SUMF1: variants seen among roughly 807,000 people sequenced by gnomAD.
The protein encoded by SUMF1 is sulfatase modifying factor 1.
In SUMF1, 48 loss-of-function variants were observed where a neutral mutation model predicts 47.6. That is an observed-to-expected ratio of 1.01 (90% CI 0.80 to 1.28). The LOEUF is 1.28. Among genes scored for constraint, SUMF1 ranks in the 50% most tolerant of loss-of-function variants. The probability of loss-of-function intolerance (pLI) is 0.00; values close to 1 mark genes in which losing one functional copy is unlikely to be tolerated. For missense variants in SUMF1, 571 were observed against 485.4 expected (o/e 1.18, Z -1.66); for synonymous variants, 230 against 192.1 (o/e 1.20, Z -1.63).
chr3:4,133,917 G>T (rs1693853861), intron 8 of SUMF1, among the ~76,000 whole-genome samples: 1 of 152,046 alleles, frequency 6.6e-6, no homozygotes, highest in Non-Finnish European at 1.5e-5. Flanking sequence ...CATTAAAATT[G>T]GGATGGGAAC....
intron 6 of SUMF1, among the ~76,000 whole-genome samples, chr3:4,411,717 A>C (rs1021563311): frequency 6.6e-6 from 1 of 151,934 alleles, no homozygotes; most frequent in African/African-American, 2.4e-5. Context: ...AAAAAAAAAA[A>C]AAAAAACTTT....
At chr3:4,313,122 C>A in intron 8 of SUMF1, 1 of 1,614,040 alleles carries the variant, frequency 6.2e-7, no homozygotes, top group Non-Finnish European at 8.5e-7. Context: ...GCAGTGACCA[C>A]TGCAGAAACA....
intron 8 of SUMF1, among the ~76,000 whole-genome samples, chr3:4,167,689 G>T (rs1218349372): frequency 6.6e-6 from 1 of 152,184 alleles, no homozygotes; most frequent in Non-Finnish European, 1.5e-5. Flanking sequence ...TCACCTATCA[G>T]TAGCAGTGGC....
In SUMF1 at chr3:4,361,411, A is replaced by C. The variant is rs1467779669; in HGVS notation, c.*733T>G. ...CTGAACCAAAGGCACTTAATGTTAA[A>C]AGATAAAGCACAGTAGAGTCACCCC... is the stretch of plus-strand genomic sequence containing the variant. On this transcript the variant is annotated 3_prime_UTR_variant, in exon 9 of 9. Transcript: ENST00000272902. 1 of 152,722 alleles carries C rather than the reference A, an allele frequency of 6.5e-6. No homozygotes were observed. The highest frequency in any genetic ancestry group is 1.5e-5 in the Non-Finnish European group (1 of 68,116). The allele number at this position is 152,722 out of a possible 1,614,324, so 9.5% of individuals were successfully genotyped here.
chr3:4,052,247 G>A (rs1293422303), intron 9 of SUMF1, among the ~76,000 whole-genome samples: 1 of 152,112 alleles, frequency 6.6e-6, no homozygotes, highest in Non-Finnish European at 1.5e-5. Context: ...TTTTACAAGA[G>A]CACTAATCCC....
At chr3:4,307,068 T>C (rs140252596) in intron 8 of SUMF1, among the ~76,000 whole-genome samples, 2 of 152,196 alleles carry the variant, frequency 1.3e-5, no homozygotes. Context: ...AACAAACTTA[T>C]GAGGCTAGAG....
At chr3:4,405,626 G>A (rs577510172) in intron 7 of SUMF1, among the ~76,000 whole-genome samples, 42 of 152,178 alleles carry the variant, frequency 2.8e-4, no homozygotes, top group African/African-American at 9.2e-4. Context: ...GAGCTCAAGC[G>A]ATCCTCCCAC....
intron 7 of SUMF1, among the ~76,000 whole-genome samples, chr3:4,387,038 G>A (rs1275812482): frequency 1.3e-5 from 2 of 152,050 alleles, no homozygotes; most frequent in Non-Finnish European, 2.9e-5. Context: ...ATTTATGAGG[G>A]ATGTTCACCT....
intron 9 of SUMF1, among the ~76,000 whole-genome samples, chr3:4,046,372 C>T (rs2125020596): frequency 6.6e-6 from 1 of 152,286 alleles, no homozygotes; most frequent in South Asian, 2.1e-4. Context: ...TTACCTGCCC[C>T]AGTCTCCCTT....
At chr3:4,116,165 G>A (rs190132237) in intron 8 of SUMF1, among the ~76,000 whole-genome samples, 2 of 152,062 alleles carry the variant, frequency 1.3e-5, no homozygotes, top group Non-Finnish European at 2.9e-5. Flanking sequence ...ACACAAAGAG[G>A]TTGTGTGACC....
At chr3:4,186,344 G>GTTGC (rs1695200455) in intron 8 of SUMF1, among the ~76,000 whole-genome samples, 1 of 152,144 alleles carries the variant, frequency 6.6e-6, no homozygotes, top group Non-Finnish European at 1.5e-5. Flanking sequence ...ACCCATGTCG[G>GTTGC]TTGCTATGGT....
At chr3:4,147,080 G>T (rs1694213030) in intron 8 of SUMF1, among the ~76,000 whole-genome samples, 1 of 152,062 alleles carries the variant, frequency 6.6e-6, no homozygotes, top group Non-Finnish European at 1.5e-5. Flanking sequence ...ATCATCACTG[G>T]CCATCAGAGA....
chr3:4,065,487 T>C (rs1176209611), intron 9 of SUMF1, among the ~76,000 whole-genome samples: 1 of 152,182 alleles, frequency 6.6e-6, no homozygotes, highest in South Asian at 2.1e-4. Flanking sequence ...ACCGTATTTT[T>C]AAAAATAATA....
chr3:4,335,708 G>T (rs1395339901), intron 8 of SUMF1, among the ~76,000 whole-genome samples: 2 of 152,062 alleles, frequency 1.3e-5, no homozygotes, highest in African/African-American at 4.8e-5. Flanking sequence ...ACTTTGGGAG[G>T]CCAAGGCGGA....
intron 8 of SUMF1, among the ~76,000 whole-genome samples, chr3:4,216,565 T>C (rs1695929420): frequency 6.6e-6 from 1 of 152,060 alleles, no homozygotes; most frequent in African/African-American, 2.4e-5. Flanking sequence ...TTAAAGAGCT[T>C]CTGCACAGCA....
intron 8 of SUMF1, among the ~76,000 whole-genome samples, chr3:4,210,555 A>G (rs1375440917): frequency 3.3e-5 from 5 of 152,198 alleles, no homozygotes; most frequent in Non-Finnish European, 7.4e-5. Flanking sequence ...GTGCTGGATC[A>G]TTGGAAAACT....
intron 8 of SUMF1, among the ~76,000 whole-genome samples, chr3:4,214,784 T>TG (rs1553609793): frequency 2.8e-4 from 43 of 151,692 alleles, no homozygotes; most frequent in Admixed American, 7.9e-4. Flanking sequence ...GAAAATAAGC[T>TG]AAAAAACCTA....
At chr3:4,449,644 T>A (rs981210466) in intron 2 of SUMF1, among the ~76,000 whole-genome samples, 1 of 152,198 alleles carries the variant, frequency 6.6e-6, no homozygotes. Context: ...GTATCACAAA[T>A]GACTCTGGGA....
intron 8 of SUMF1, among the ~76,000 whole-genome samples, chr3:4,139,697 C>A (rs1023213600): frequency 6.6e-6 from 1 of 151,708 alleles, no homozygotes; most frequent in African/African-American, 2.4e-5. Context: ...AGTCATATGG[C>A]AAACAATTGC....
Sources: allele counts gnomAD v4.1 joint callset (sites outside exome capture counted in the v4.1 genomes callset), GRCh38; gene constraint gnomAD v4.1.1; transcripts MANE v1.5; gene names NCBI Gene and HGNC (gene_info 2026-07-23, HGNC 2026-07-21).